Variants in BAZ2B observed in about 807,000 individuals in gnomAD.
BAZ2B encodes the protein bromodomain adjacent to zinc finger domain 2B.
Under a neutral mutation model 246.0 loss-of-function variants are expected in BAZ2B, and 91 were observed. The observed-to-expected ratio is 0.37, with a 90% confidence interval of 0.31 to 0.44. The LOEUF (loss-of-function observed/expected upper bound fraction) is 0.44. Among genes scored for constraint, BAZ2B ranks in the 20% least tolerant of loss-of-function variants. BAZ2B has a pLI of 1.00. For missense variants in BAZ2B, 2,332 were observed against 2,533.7 expected, an observed-to-expected ratio of 0.92 and a Z score of 1.71; for synonymous variants, 855 against 860.0, an observed-to-expected ratio of 0.99 and a Z score of 0.10.
At chr2:159,382,525 C>T in intron 25 of BAZ2B, 34 bp downstream of exon 25, 1 of 1,539,776 alleles carries the variant, frequency 6.5e-7, no homozygotes, top group Non-Finnish European at 8.7e-7. Context: ...TTATGCAGTT[C>T]TAGTTGTCTT....
chr2:159,702,932 C>T, the BAZ2B span, among the ~76,000 whole-genome samples: 2 of 151,630 alleles, frequency 1.3e-5, no homozygotes, highest in South Asian at 2.1e-4. Context: ...CCCAGCTACT[C>T]GGGAGGGAGG....
At chr2:159,442,652 C>G (rs2073633870) in intron 6 of BAZ2B, among the ~76,000 whole-genome samples, 1 of 152,224 alleles carries the variant, frequency 6.6e-6, no homozygotes, top group Admixed American at 6.5e-5. Flanking sequence ...TAAACACTAA[C>G]TTCCCATCCC....
At chr2:159,361,870 C>A (rs1285763542) in intron 27 of BAZ2B, among the ~76,000 whole-genome samples, 8 of 151,790 alleles carry the variant, frequency 5.3e-5, no homozygotes, top group Admixed American at 5.2e-4. Context: ...AAACCAAACA[C>A]CACAAGTTCT....
At chr2:159,391,568 A>T (rs1211917868) in intron 20 of BAZ2B, among the ~76,000 whole-genome samples, 1 of 152,194 alleles carries the variant, frequency 6.6e-6, no homozygotes, top group Non-Finnish European at 1.5e-5. Context: ...TGTGACACTG[A>T]TGCTCTTTTC....
At chr2:159,597,220 T>C (rs967978227) in intron 1 of BAZ2B, among the ~76,000 whole-genome samples, 17 of 152,360 alleles carry the variant, frequency 1.1e-4, no homozygotes, top group African/African-American at 3.6e-4. Context: ...CTCATGTCCT[T>C]AGCCCACTTT....
At chr2:159,463,107 T>G in intron 3 of BAZ2B, 13 of 670,580 alleles carry the variant, frequency 1.9e-5, no homozygotes, top group East Asian at 2.7e-5. Context: ...ATGCACGTGC[T>G]GCCCTTTCCC....
chr2:159,395,708 C>T (rs1283867823), intron 20 of BAZ2B, 61 bp downstream of exon 20: 1 of 1,386,274 alleles, frequency 7.2e-7, no homozygotes, highest in Non-Finnish European at 9.9e-7. Flanking sequence ...TTAGAAGAGC[C>T]AATGCTTTAG....
the BAZ2B span, among the ~76,000 whole-genome samples, chr2:159,690,647 C>T: frequency 1.3e-5 from 2 of 152,096 alleles, no homozygotes; most frequent in African/African-American, 2.4e-5. Flanking sequence ...AGTAAAAACA[C>T]CAGACTGTAA....
intron 2 of BAZ2B, among the ~76,000 whole-genome samples, chr2:159,487,001 CAT>C (rs1180465113): frequency 6.6e-6 from 1 of 152,028 alleles, no homozygotes; most frequent in Non-Finnish European, 1.5e-5. Flanking sequence ...TCTAGAAAAA[CAT>C]GTAAGAAATT....
At chr2:159,663,947 A>C in the BAZ2B span, among the ~76,000 whole-genome samples, 1 of 98,626 alleles carries the variant, frequency 1.0e-5, no homozygotes, top group African/African-American at 3.9e-5. Flanking sequence ...ACATATGTAT[A>C]CATGTGCCAT....
At chr2:159,505,320 C>G (rs1330906616) in intron 2 of BAZ2B, among the ~76,000 whole-genome samples, 1 of 152,132 alleles carries the variant, frequency 6.6e-6, no homozygotes, top group Non-Finnish European at 1.5e-5. Flanking sequence ...ACAAGCCTGG[C>G]TGCATATTAG....
chr2:159,559,722 C>G (rs936994357), intron 1 of BAZ2B, among the ~76,000 whole-genome samples: 1 of 152,104 alleles, frequency 6.6e-6, no homozygotes, highest in Admixed American at 6.5e-5. Context: ...AGGATAAAGC[C>G]AGACTAATCT....
intron 19 of BAZ2B, 173 bp downstream of exon 19, chr2:159,397,172 C>CA: frequency 7.2e-7 from 1 of 1,396,924 alleles, no homozygotes; most frequent in Admixed American, 2.1e-5. Context: ...TTTAACCCCC[C>CA]AAAAAGACAC....
intron 36 of BAZ2B, among the ~76,000 whole-genome samples, chr2:159,324,115 C>A (rs536695824): frequency 6.6e-6 from 1 of 151,706 alleles, no homozygotes; most frequent in South Asian, 2.1e-4. Context: ...GTTATTTTCA[C>A]CAAAAGAATG....
At position 159,392,040 on chromosome 2, in the gene BAZ2B, T is replaced by C. The variant is rs75040880; in HGVS notation, c.3076-2555A>G. The C allele has an allele frequency of 3.3e-5, 5 of 152,324 alleles. No individual in the cohort carries two copies. The East Asian group carries it at 7.7e-4, about 24-fold the overall frequency. The allele number at this position is 152,324 out of a possible 1,614,324, so 9.4% of individuals were successfully genotyped here. On this transcript the variant is annotated intron_variant, in intron 20 of 36. Coordinates refer to ENST00000392783, the MANE Select transcript of BAZ2B (RefSeq NM_013450.4). ...ATGGCATATAAAGCCAGTCACAATCTAGCCCCACACAAGCGCTTGTCTCAC... is the reference window on the plus strand; with the variant it reads ...ATGGCATATAAAGCCAGTCACAATCCAGCCCCACACAAGCGCTTGTCTCAC...
chr2:159,600,018 C>G (rs896318398), intron 1 of BAZ2B, among the ~76,000 whole-genome samples: 6 of 151,558 alleles, frequency 4.0e-5, no homozygotes, highest in African/African-American at 1.5e-4. Context: ...TAGGTAAAAT[C>G]TCGTAGAATG....
upstream of BAZ2B, among the ~76,000 whole-genome samples, chr2:159,618,354 C>A (rs1321502137): frequency 6.6e-6 from 1 of 152,096 alleles, no homozygotes; most frequent in Non-Finnish European, 1.5e-5. Flanking sequence ...TGAGTAACTA[C>A]CTAATAACTG....
the BAZ2B span, chr2:159,689,283 C>G: frequency 2.2e-5 from 10 of 464,840 alleles, no homozygotes; most frequent in East Asian, 6.3e-4. Context: ...GTCTCATCCC[C>G]AGTGGCTTTT....
intron 13 of BAZ2B, among the ~76,000 whole-genome samples, chr2:159,417,315 C>T (rs916512009): frequency 5.3e-5 from 8 of 151,884 alleles, no homozygotes; most frequent in African/African-American, 1.7e-4. Flanking sequence ...GGATTACAGG[C>T]GCTTGCCACC....
Sources: allele counts gnomAD v4.1 joint callset (sites outside exome capture counted in the v4.1 genomes callset), GRCh38; gene constraint gnomAD v4.1.1; transcripts MANE v1.5; gene names NCBI Gene and HGNC (gene_info 2026-07-23, HGNC 2026-07-21).